The following HSPA12A variants were observed in gnomAD, a reference collection of about 807,000 sequenced individuals.
HSPA12A encodes the protein heat shock protein family A (Hsp70) member 12A.
In HSPA12A, 28 loss-of-function variants were observed where a neutral mutation model predicts 69.2. The observed-to-expected ratio is 0.40, with a 90% CI of 0.30 to 0.55. HSPA12A has a LOEUF of 0.55. HSPA12A is among the 20% of genes least tolerant of loss of function. HSPA12A has a pLI of 0.38. For synonymous variants in HSPA12A, 345 were observed against 370.5 expected (o/e 0.93, Z 0.79); for missense variants, 686 against 900.7 (o/e 0.76, Z 3.05).
chr10:116,792,185 A>T (rs563962213), intron 2 of HSPA12A, among the ~76,000 whole-genome samples: 1 of 149,372 alleles, frequency 6.7e-6, no homozygotes, highest in South Asian at 2.1e-4. Flanking sequence ...TACGTTGATC[A>T]CGTAAGCATG....
chr10:116,805,538 G>T (rs1411326952), intron 2 of HSPA12A, among the ~76,000 whole-genome samples: 1 of 152,062 alleles, frequency 6.6e-6, no homozygotes, highest in Non-Finnish European at 1.5e-5. Flanking sequence ...AAGGGAAAAT[G>T]TACACAAAAG....
chr10:116,782,917 C>T lies in HSPA12A; in HGVS notation c.91+52018G>A, dbSNP rs150754511. Among the ~76,000 whole-genome samples, 363 of 152,284 alleles carry T rather than the reference C, an allele frequency of 2.4e-3. 1 individual carries two copies. The highest frequency in any genetic ancestry group is 7.7e-3 in the African/African-American group (320 of 41,580). On this transcript the variant is annotated intron_variant, in intron 2 of 12. Transcript: ENST00000635765. ...CTGGCAACATACCAAGCCCAGGACA[C>T]AGGGTCACCCTCACGGAGGGTACTG...
intron 1 of HSPA12A, among the ~76,000 whole-genome samples, chr10:116,836,869 T>A (rs748453173): frequency 2.0e-5 from 3 of 152,042 alleles, no homozygotes; most frequent in African/African-American, 7.2e-5. Flanking sequence ...TCATCACCCA[T>A]GCCATTCTTC....
chr10:116,776,333 C>T (rs77243856), intron 2 of HSPA12A, among the ~76,000 whole-genome samples: 3 of 152,326 alleles, frequency 2.0e-5, no homozygotes, highest in East Asian at 1.9e-4. Flanking sequence ...GGTCTCACCC[C>T]CAACAAACCT....
intron 2 of HSPA12A, among the ~76,000 whole-genome samples, chr10:116,811,932 T>C (rs1199790743): frequency 6.6e-6 from 1 of 152,138 alleles, no homozygotes; most frequent in Admixed American, 6.5e-5. Context: ...CCTCCCTCAA[T>C]GGCGGCGGTG....
chr10:116,699,867 A>C (rs1311866728), intron 4 of HSPA12A, among the ~76,000 whole-genome samples: 1 of 152,252 alleles, frequency 6.6e-6, no homozygotes, highest in Non-Finnish European at 1.5e-5. Flanking sequence ...ATAGAAGGAC[A>C]ACCACGCCGA....
intron 1 of HSPA12A, among the ~76,000 whole-genome samples, chr10:116,841,336 T>C (rs564106560): frequency 2.6e-5 from 4 of 152,314 alleles, no homozygotes; most frequent in South Asian, 2.1e-4. Flanking sequence ...TACTAAACTT[T>C]TCTCCTTCAA....
chr10:116,839,322 G>A (rs1383701026), intron 1 of HSPA12A, among the ~76,000 whole-genome samples: 1 of 152,050 alleles, frequency 6.6e-6, no homozygotes, highest in African/African-American at 2.4e-5. Context: ...CACAGACTTC[G>A]CTCCCCTCCC....
intron 2 of HSPA12A, among the ~76,000 whole-genome samples, chr10:116,809,497 T>C (rs910240442): frequency 6.6e-5 from 10 of 152,248 alleles, no homozygotes. Flanking sequence ...GTGCTCTCTG[T>C]GCAAGGTGAG....
At chr10:116,755,066 A>G (rs1309522739) in intron 2 of HSPA12A, among the ~76,000 whole-genome samples, 1 of 152,010 alleles carries the variant, frequency 6.6e-6, no homozygotes, top group African/African-American at 2.4e-5. Flanking sequence ...TGATTCTCAC[A>G]CCTCAGCCTC....
At chr10:116,837,979 T>C (rs1845745081) in intron 1 of HSPA12A, among the ~76,000 whole-genome samples, 1 of 152,194 alleles carries the variant, frequency 6.6e-6, no homozygotes, top group Non-Finnish European at 1.5e-5. Flanking sequence ...TAATTAGATG[T>C]TTAATTTGAT....
At chr10:116,740,150 G>A (rs1851437848) in intron 1 of HSPA12A, among the ~76,000 whole-genome samples, 1 of 152,196 alleles carries the variant, frequency 6.6e-6, no homozygotes, top group South Asian at 2.1e-4. Flanking sequence ...GCACAGGTTG[G>A]TGCCCTGGAA....
At chr10:116,754,987 T>G (rs1190767274) in intron 2 of HSPA12A, among the ~76,000 whole-genome samples, 2 of 152,098 alleles carry the variant, frequency 1.3e-5, no homozygotes, top group Admixed American at 6.5e-5. Context: ...AGAATCTCAC[T>G]CTGTCGCCCA....
At chr10:116,790,184 C>T (rs888120851) in intron 2 of HSPA12A, among the ~76,000 whole-genome samples, 1 of 147,450 alleles carries the variant, frequency 6.8e-6, no homozygotes, top group Non-Finnish European at 1.5e-5. Flanking sequence ...TCACTGCAGG[C>T]TCCGCGCCCT....
At chr10:116,681,726 GGAATGGCTTTTCAC>G in intron 8 of HSPA12A, 51 bp downstream of exon 8, 1 of 1,435,112 alleles carries the variant, frequency 7.0e-7, no homozygotes, top group Non-Finnish European at 9.8e-7. Context: ...GGGACAAATG[GGAATGGCTTTTCAC>G]GAGCAGCACA....
chr10:116,819,057 G>A (rs923726724), intron 2 of HSPA12A, among the ~76,000 whole-genome samples: 10 of 152,118 alleles, frequency 6.6e-5, no homozygotes, highest in Non-Finnish European at 1.2e-4. Context: ...CCCTGAGACA[G>A]ATGCTCCACA....
At chr10:116,744,429 A>C (rs565338735), upstream of HSPA12A, among the ~76,000 whole-genome samples, 18 of 152,306 alleles carry the variant, frequency 1.2e-4, no homozygotes, top group African/African-American at 4.3e-4. Flanking sequence ...AGCCTGTCAG[A>C]AGCAGCAGAA....
At chr10:116,786,564 T>C (rs1455441335) in intron 2 of HSPA12A, among the ~76,000 whole-genome samples, 1 of 152,242 alleles carries the variant, frequency 6.6e-6, no homozygotes, top group African/African-American at 2.4e-5. Context: ...GAAATGTACA[T>C]TTAAATGGTA....
At chr10:116,741,210 C>G (rs782600462) in intron 1 of HSPA12A, among the ~76,000 whole-genome samples, 4 of 152,148 alleles carry the variant, frequency 2.6e-5, no homozygotes, top group Non-Finnish European at 5.9e-5. Flanking sequence ...CCTCCCTGAT[C>G]CGCAGGAACA....
Sources: gnomAD v4.1 joint callset for allele counts (sites outside exome capture counted in the v4.1 genomes callset) on GRCh38, gnomAD v4.1.1 for gene constraint, MANE v1.5 for transcripts, NCBI Gene and HGNC (gene_info 2026-07-23, HGNC 2026-07-21) for gene names.